Variants in EXOC3L2 observed in about 807,000 individuals in gnomAD.
EXOC3L2 encodes the protein exocyst complex component 3 like 2, also known as exocyst complex component 3-like protein 2.
Under a neutral mutation model 44.4 loss-of-function variants are expected in EXOC3L2, and 17 were observed. The observed-to-expected ratio is 0.38, with a 90% CI of 0.26 to 0.57. The LOEUF (loss-of-function observed/expected upper bound fraction) is 0.57, where lower values mean the gene tolerates loss of function less well. Ranked by LOEUF, EXOC3L2 falls within the 20% of genes least tolerant of loss-of-function variation. The pLI, the probability that EXOC3L2 is intolerant of heterozygous loss-of-function variation, is 0.65. For synonymous variants in EXOC3L2, 256 were observed against 253.7 expected, an observed-to-expected ratio of 1.01 and a Z score of -0.09; for missense variants, 541 against 588.4, an observed-to-expected ratio of 0.92 and a Z score of 0.83.
At chr19:45,240,201 C>G (rs10469293) in intron 1 of EXOC3L2, among the ~76,000 whole-genome samples, 1,641 of 150,094 alleles carry the variant, frequency 0.011, 25 homozygotes, top group African/African-American at 0.039. Context: ...AACTCCTGGG[C>G]TCAAATGATC....
intron 6 of EXOC3L2, 94 bp downstream of exon 6, chr19:45,227,880 G>C (rs997676426): frequency 9.9e-6 from 15 of 1,515,386 alleles, no homozygotes; most frequent in African/African-American, 1.4e-5. Context: ...CCTGTCCTCA[G>C]GTGACTCCCT....
chr19:45,225,740 A>C (rs1386340760), intron 7 of EXOC3L2, among the ~76,000 whole-genome samples: 1 of 148,750 alleles, frequency 6.7e-6, no homozygotes, highest in Non-Finnish European at 1.5e-5. Flanking sequence ...CTCCTGCCTC[A>C]GTCTCCCAAG....
rs1970107266 is a variant in EXOC3L2 at position 45,238,887 on chromosome 19, GCGA to G, written c.156_158del (p.Arg55del). ...CAAGCTTCTCCAGGGTGGCGCGGCG[GCGA>G]CAAGATGTTCCATTGGGGAGGGACC... is the stretch of plus-strand genomic sequence containing the variant. On this transcript the variant is annotated inframe_deletion, in exon 2 of 12. Coordinates refer to ENST00000413988, the MANE Select transcript of EXOC3L2 (RefSeq NM_001382422.1). The surrounding 1 kb of genome is among the most constrained non-coding windows in gnomAD (Gnocchi z 5.5). 2.5e-6 allele frequency: 1 copy of G among 399,222 alleles called. No individual in the cohort carries two copies. 24.7% of individuals were successfully genotyped at this position (399,222 alleles called of 1,614,324 possible). A position where few individuals can be genotyped will look rare whatever the true frequency, so the allele number is the denominator to read the frequency against.
intron 1 of EXOC3L2, among the ~76,000 whole-genome samples, chr19:45,242,915 C>T (rs1970142059): frequency 6.6e-6 from 1 of 151,652 alleles, no homozygotes; most frequent in South Asian, 2.1e-4. Context: ...CCTCCTGCCA[C>T]CTCTCCTGGT....
rs1969794660 is a variant in EXOC3L2, at chr19:45,213,134, G to A, written c.2344C>T (p.Pro782Ser). 6.3e-7 allele frequency: 1 copy of A among 1,579,082 alleles called. No homozygotes were observed. The highest frequency in any genetic ancestry group is 8.6e-7 in the Non-Finnish European group (1 of 1,163,744). ...GRLPLSRLAR[P>S]SLACLPRPRP... ...GGCCGAGGCAGACAGGCCAAACTGG[G>A]CCTGGCCAGCCGGGAGAGGGGGAGG... The change falls in exon 12 of 12, where the codon CCC (proline) becomes TCC (serine). Residue 782 changes from proline (P) to serine (S), a missense_variant. Pro to Ser is a moderately conservative substitution (Grantham distance 74). Transcript: ENST00000413988.
intron 7 of EXOC3L2, among the ~76,000 whole-genome samples, chr19:45,226,717 T>C (rs2122972368): frequency 6.8e-6 from 1 of 147,658 alleles, no homozygotes; most frequent in South Asian, 2.2e-4. Flanking sequence ...ATTACAGGTG[T>C]GAGCCACTGT....
chr19:45,216,311 C>G (rs181327550), intron 10 of EXOC3L2, 117 bp from the exon 11 acceptor site: 2 of 1,399,638 alleles, frequency 1.4e-6, no homozygotes, highest in Admixed American at 4.7e-5. Flanking sequence ...GGTGGTGGCT[C>G]AAGCCTGTAA....
chr19:45,237,239 C>T (rs1402006983), intron 2 of EXOC3L2, among the ~76,000 whole-genome samples: 2 of 152,074 alleles, frequency 1.3e-5, no homozygotes, highest in Admixed American at 1.3e-4. Context: ...GTGGCTCATG[C>T]CTGTCATTCC....
chr19:45,217,833 C>G, intron 9 of EXOC3L2, 150 bp from the exon 10 acceptor site: 1 of 984,308 alleles, frequency 1.0e-6, no homozygotes, highest in Non-Finnish European at 1.4e-6. Context: ...CAGTCCCCAG[C>G]CCCTGAGCTA....
intron 8 of EXOC3L2, among the ~76,000 whole-genome samples, chr19:45,220,862 A>C (rs1969888899): frequency 6.6e-6 from 1 of 150,528 alleles, no homozygotes; most frequent in Admixed American, 6.6e-5. Context: ...AAAAGGGGAA[A>C]GTGGAGATAG....
At position 45,224,823 on chromosome 19, in the gene EXOC3L2, C is replaced by T; in HGVS notation, c.1674G>A (p.Arg558=). The T allele has an allele frequency of 6.3e-7, 1 of 1,585,018 alleles. No individual in the cohort carries two copies. Among genetic ancestry groups the T allele is most frequent in the Non-Finnish European group, 8.6e-7 (1 of 1,165,834 alleles). The change falls in exon 8 of 12, where the codon CGG becomes CGA. Residue 558 remains arginine, a synonymous_variant. Coordinates refer to ENST00000413988, the MANE Select transcript of EXOC3L2 (RefSeq NM_001382422.1). ...GGTTGGCCACGACACGGTGGCAGAG[C>T]CGGGTCACATGGTCCAGAGCACTAG... The part of the protein sequence containing the change: ...ASASALDHVT[R]LCHRVVANLL...
chr19:45,229,230 T>TATTTATGTATTAAATATATACATAC, intron 4 of EXOC3L2, among the ~76,000 whole-genome samples: 1 of 121,950 alleles, frequency 8.2e-6, no homozygotes, highest in Admixed American at 7.8e-5. Flanking sequence ...TATATACATA[T>TATTTATGTATTAAATATATACATAC]ATTTATGTAT....
chr19:45,215,971 G>C (rs1015500192), intron 11 of EXOC3L2, 102 bp downstream of exon 11: 1 of 1,502,300 alleles, frequency 6.7e-7, no homozygotes, highest in South Asian at 1.3e-5. Context: ...CACGCTCACC[G>C]GCTCCCTCCC....
At position 45,238,520 on chromosome 19, in the gene EXOC3L2, C is replaced by T. The variant is rs1000949929; in HGVS notation, c.523+3G>A. On this transcript the variant is annotated splice_donor_region_variant and intron_variant, in intron 2 of 11. Coordinates refer to ENST00000413988, the MANE Select transcript of EXOC3L2 (RefSeq NM_001382422.1). The surrounding 1 kb of genome is among the most constrained non-coding windows in gnomAD (Gnocchi z 5.5). ...CAGGACAGGGTCAGGGCTCCGGACT[C>T]ACCTGACAATGGCTCCTTCATCTTT... 6 of 399,548 alleles carry T rather than the reference C, an allele frequency of 1.5e-5. No homozygotes were observed. Among genetic ancestry groups the T allele is most frequent in the Non-Finnish European group, 2.2e-5 (5 of 226,326 alleles). 24.8% of individuals were successfully genotyped at this position (399,548 alleles called of 1,614,324 possible).
chr19:45,228,409 G>C, intron 4 of EXOC3L2, 143 bp from the exon 5 acceptor site: 1 of 698,162 alleles, frequency 1.4e-6, no homozygotes, highest in Middle Eastern at 4.1e-4. Context: ...AGGTGATGCT[G>C]GGGAGGGAGG....
At chr19:45,230,305 G>A (rs1970017306) in intron 4 of EXOC3L2, among the ~76,000 whole-genome samples, 1 of 152,088 alleles carries the variant, frequency 6.6e-6, no homozygotes, top group South Asian at 2.1e-4. Context: ...TGCAAGCTCC[G>A]TCTCCCGGGT....
chr19:45,236,855 G>T (rs1453230478), intron 2 of EXOC3L2, among the ~76,000 whole-genome samples: 1 of 151,780 alleles, frequency 6.6e-6, no homozygotes, highest in Non-Finnish European at 1.5e-5. Flanking sequence ...AAAAAATTTA[G>T]CCAGGCATGG....
chr19:45,229,177 C>T (rs1021470090), intron 4 of EXOC3L2, among the ~76,000 whole-genome samples: 31 of 146,642 alleles, frequency 2.1e-4, no homozygotes, highest in African/African-American at 6.2e-4. Context: ...TGTGTGTGCA[C>T]GTGTGTGTAT....
At chr19:45,214,038 C>T (rs142428371) in intron 11 of EXOC3L2, among the ~76,000 whole-genome samples, 1,750 of 152,174 alleles carry the variant, frequency 0.011, 18 homozygotes, top group South Asian at 0.023. Context: ...AGCTCAACCC[C>T]CTAAACCCAA....
Sources: gnomAD v4.1 joint callset for allele counts (sites outside exome capture counted in the v4.1 genomes callset) on GRCh38, gnomAD v4.1.1 for gene constraint, Gnocchi (gnomAD v3.1) non-coding constraint, MANE v1.5 for transcripts, NCBI Gene and HGNC (gene_info 2026-07-23, HGNC 2026-07-21) for gene names.